PLCB1: variants seen among roughly 807,000 people sequenced by gnomAD.
The protein encoded by PLCB1 is 1-phosphatidylinositol 4,5-bisphosphate phosphodiesterase beta-1.
In PLCB1, 46 loss-of-function variants were observed where a neutral mutation model predicts 161.8. The observed-to-expected ratio is 0.28, with a 90% CI of 0.22 to 0.36. PLCB1 has a LOEUF of 0.36. PLCB1 is among the 10% of genes least tolerant of loss of function. The probability of loss-of-function intolerance (pLI) is 1.00; values close to 1 mark genes in which losing one functional copy is unlikely to be tolerated. For missense variants in PLCB1, 1,016 were observed against 1,472.5 expected (o/e 0.69, Z 5.07); for synonymous variants, 517 against 503.7 (o/e 1.03, Z -0.35).
At chr20:8,789,437 C>A (rs1473430581) in intron 29 of PLCB1, 81 bp from the exon 30 acceptor site, 2 of 885,450 alleles carry the variant, frequency 2.3e-6, no homozygotes, top group Non-Finnish European at 3.8e-6. Flanking sequence ...AGTTCTGTAA[C>A]CTTTTATCTA....
At chr20:8,686,598 A>G (rs1030253469) in intron 10 of PLCB1, among the ~76,000 whole-genome samples, 2 of 152,172 alleles carry the variant, frequency 1.3e-5, no homozygotes, top group Admixed American at 1.3e-4. Context: ...CTTCTTTCAG[A>G]GTATATTAAT....
At chr20:8,532,453 G>C (rs113976216) in intron 3 of PLCB1, among the ~76,000 whole-genome samples, 24 of 152,286 alleles carry the variant, frequency 1.6e-4, no homozygotes, top group Non-Finnish European at 2.8e-4. Context: ...GGAGTTGCAA[G>C]AGAGGTCCTC....
At chr20:8,780,624 AC>A (rs1389382278) in intron 27 of PLCB1, among the ~76,000 whole-genome samples, 1 of 152,170 alleles carries the variant, frequency 6.6e-6, no homozygotes, top group Non-Finnish European at 1.5e-5. Flanking sequence ...CAACGTTAGT[AC>A]CATCAAACTG....
intron 1 of PLCB1, among the ~76,000 whole-genome samples, chr20:8,149,092 A>G (rs942021942): frequency 3.9e-5 from 6 of 152,242 alleles, no homozygotes; most frequent in Non-Finnish European, 8.8e-5. Flanking sequence ...TTACTGCAGT[A>G]ACACAGAATA....
At chr20:8,789,852 CCTTTA>C (rs1211000701) in intron 30 of PLCB1, among the ~76,000 whole-genome samples, 1 of 152,162 alleles carries the variant, frequency 6.6e-6, no homozygotes, top group Non-Finnish European at 1.5e-5. Flanking sequence ...CCCAAAAGAA[CCTTTA>C]ATTGTCATCA....
intron 26 of PLCB1, among the ~76,000 whole-genome samples, chr20:8,772,894 C>A (rs1342389598): frequency 1.3e-5 from 2 of 152,112 alleles, no homozygotes; most frequent in Non-Finnish European, 2.9e-5. Flanking sequence ...CGTGCCATTG[C>A]ACTCTAGCCT....
intron 3 of PLCB1, among the ~76,000 whole-genome samples, chr20:8,502,737 T>G (rs1021399063): frequency 2.0e-5 from 3 of 152,180 alleles, no homozygotes; most frequent in African/African-American, 7.2e-5. Flanking sequence ...TGCAGAATTC[T>G]TCGAAAATTT....
At chr20:8,212,480 G>A (rs1016302801) in intron 2 of PLCB1, among the ~76,000 whole-genome samples, 1 of 151,528 alleles carries the variant, frequency 6.6e-6, no homozygotes, top group Non-Finnish European at 1.5e-5. Flanking sequence ...TCTGCTCTGT[G>A]ACCTTTTTCA....
chr20:8,455,884 G>A (rs1454829052), intron 3 of PLCB1, among the ~76,000 whole-genome samples: 1 of 152,168 alleles, frequency 6.6e-6, no homozygotes, highest in Non-Finnish European at 1.5e-5. Flanking sequence ...TTTGTGCTGA[G>A]TATTAATTCC....
At chr20:8,546,313 CAAAAA>C (rs369485988) in intron 3 of PLCB1, among the ~76,000 whole-genome samples, 19 of 102,934 alleles carry the variant, frequency 1.8e-4, no homozygotes, top group African/African-American at 4.2e-4. Context: ...GACTCTATCT[CAAAAA>C]AAAAAAAAAA....
At chr20:8,474,820 G>A (rs759019552) in intron 3 of PLCB1, among the ~76,000 whole-genome samples, 8 of 152,116 alleles carry the variant, frequency 5.3e-5, no homozygotes, top group Non-Finnish European at 7.3e-5. Context: ...AGAGATCTAA[G>A]TGTGACCACA....
At position 8,748,545 on chromosome 20, in the gene PLCB1, A is replaced by G. The variant is rs112849063; in HGVS notation, c.2523+6972A>G. On this transcript the variant is annotated intron_variant, in intron 23 of 31. Coordinates refer to ENST00000338037, the MANE Select transcript of PLCB1 (RefSeq NM_015192.4). ...TTGGGTTCATCTGCCTAAAATAGGG[A>G]TGAGTACAATAACTTCAATATCCAT... Among the ~76,000 whole-genome samples the G allele has an allele frequency of 6.4e-3, 973 of 152,348 alleles. 12 individuals carry two copies. Among genetic ancestry groups the G allele is most frequent in the African/African-American group, 0.022 (922 of 41,588 alleles).
intron 3 of PLCB1, among the ~76,000 whole-genome samples, chr20:8,441,728 G>A (rs558474598): frequency 1.3e-5 from 2 of 152,174 alleles, no homozygotes; most frequent in Admixed American, 1.3e-4. Flanking sequence ...AAATTCCTAT[G>A]GGCAGATAGA....
chr20:8,450,574 C>T (rs900883550), intron 3 of PLCB1, among the ~76,000 whole-genome samples: 1 of 152,046 alleles, frequency 6.6e-6, no homozygotes, highest in Non-Finnish European at 1.5e-5. Context: ...AATCTCTGCT[C>T]CTCAAACATC....
intron 9 of PLCB1, among the ~76,000 whole-genome samples, chr20:8,661,808 C>T (rs1989630894): frequency 1.3e-5 from 2 of 150,036 alleles, no homozygotes. Flanking sequence ...CTCAAACTTA[C>T]AAGCCAACCT....
chr20:8,486,511 C>T lies in PLCB1; in HGVS notation c.246+115061C>T, dbSNP rs1036835043. Among the ~76,000 whole-genome samples the T allele has an allele frequency of 1.8e-4, 14 of 77,606 alleles. No homozygotes were observed. In the South Asian group the frequency reaches 5.3e-3, roughly 29 times the overall value. The allele number at this position is 77,606 out of a possible 152,430, so 50.9% of individuals were successfully genotyped here. A position where few individuals can be genotyped will look rare whatever the true frequency, so the allele number is the denominator to read the frequency against. The stretch of plus-strand genomic sequence containing the variant: ...TTTTTTTTTTTTTTTTTTTTTTAGA[C>T]GGAGTCTCGCTCTGTCGCCCAGGCC... On this transcript the variant is annotated intron_variant, in intron 3 of 31. Transcript: ENST00000338037.
chr20:8,481,120 T>G (rs1184892170), intron 3 of PLCB1, among the ~76,000 whole-genome samples: 1 of 52,216 alleles, frequency 1.9e-5, no homozygotes, highest in Non-Finnish European at 4.1e-5. Flanking sequence ...CCCCCCACCC[T>G]CCCAAAAAAG....
At chr20:8,198,030 G>A (rs2052046436) in intron 2 of PLCB1, among the ~76,000 whole-genome samples, 1 of 152,018 alleles carries the variant, frequency 6.6e-6, no homozygotes, top group Non-Finnish European at 1.5e-5. Context: ...TCTCTATTTT[G>A]GTAAGAGTAC....
intron 1 of PLCB1, among the ~76,000 whole-genome samples, chr20:8,140,241 T>G (rs2051388914): frequency 6.6e-6 from 1 of 152,208 alleles, no homozygotes. Context: ...AGAGCCAACC[T>G]AAAGCCTGCT....
Sources: allele counts gnomAD v4.1 joint callset (sites outside exome capture counted in the v4.1 genomes callset), GRCh38; gene constraint gnomAD v4.1.1; transcripts MANE v1.5; gene names NCBI Gene and HGNC (gene_info 2026-07-23, HGNC 2026-07-21).